TMEM212: variants seen among roughly 807,000 people sequenced by gnomAD.
TMEM212 encodes transmembrane protein 212.
A neutral mutation model predicts 20.5 loss-of-function variants in TMEM212; 23 were observed. That is an observed-to-expected ratio of 1.12 (90% CI 0.81 to 1.59). The LOEUF (loss-of-function observed/expected upper bound fraction) is 1.59, where lower values mean the gene tolerates loss of function less well. Ranked by LOEUF, TMEM212 falls within the 40% of genes most tolerant of loss-of-function variation. The pLI, the probability that TMEM212 is intolerant of heterozygous loss-of-function variation, is 0.00. For missense variants in TMEM212, 211 were observed against 215.0 expected, an observed-to-expected ratio of 0.98 and a Z score of 0.12; for synonymous variants, 76 against 81.6, an observed-to-expected ratio of 0.93 and a Z score of 0.37.
rs1447699432 is a variant in TMEM212, at chr3:171,853,721, AC to A, written c.416del (p.Pro139HisfsTer8). 6.5e-7 allele frequency: 1 copy of A among 1,537,300 alleles called. No homozygotes were observed. The highest frequency in any genetic ancestry group is 8.7e-7 in the Non-Finnish European group (1 of 1,146,888). ...AKFPLACVDP[P>X]HYEEYHLTLQ... ...AATTCCCATTAGCCTGTGTGGACCC[AC>A]CACACTACGAAGAGTACCACCTGAC... On this transcript the variant is annotated frameshift_variant, in exon 3 of 5. Transcript: ENST00000334567. LOFTEE classifies it high-confidence loss of function.
At chr3:171,846,047 T>G (rs551153416) in intron 1 of TMEM212, among the ~76,000 whole-genome samples, 2 of 152,328 alleles carry the variant, frequency 1.3e-5, no homozygotes, top group East Asian at 3.9e-4. Context: ...CGTAACCTGC[T>G]GAGTTCTCCA....
chr3:171,850,531 T>G (rs1162300152), intron 1 of TMEM212, among the ~76,000 whole-genome samples: 2 of 152,246 alleles, frequency 1.3e-5, no homozygotes, highest in Non-Finnish European at 2.9e-5. Context: ...CTTATCTGGC[T>G]TCAGTGTTTC....
intron 1 of TMEM212, among the ~76,000 whole-genome samples, chr3:171,847,775 A>G (rs1441354478): frequency 1.3e-5 from 2 of 152,050 alleles, no homozygotes; most frequent in South Asian, 2.1e-4. Context: ...GTGATCAGAC[A>G]TCACGGTGGG....
At chr3:171,857,729 C>T (rs1002936842) in intron 4 of TMEM212, among the ~76,000 whole-genome samples, 14 of 152,184 alleles carry the variant, frequency 9.2e-5, no homozygotes, top group South Asian at 2.1e-4. Context: ...AAATGACCTG[C>T]GTAGACATTT....
rs191438000 is a variant in TMEM212 at position 171,848,399 on chromosome 3, G to A, written c.160-3583G>A. ...TTTTTCCTACAAGGCATACCCCTAT[G>A]CATTCCTTCCTTTTCCATCTCACTC... On this transcript the variant is annotated intron_variant, in intron 1 of 4. Transcript: ENST00000334567. 2.9e-4 allele frequency among the ~76,000 whole-genome samples: 44 copies of A among 152,182 alleles called. No individual in the cohort carries two copies. In the East Asian group the frequency reaches 8.1e-3, roughly 28 times the overall value.
chr3:171,843,918 A>C (rs1724773604), intron 1 of TMEM212, among the ~76,000 whole-genome samples: 1 of 152,236 alleles, frequency 6.6e-6, no homozygotes. Flanking sequence ...ATACAGAACA[A>C]AGTAAAATAA....
At chr3:171,848,575 A>G (rs147763567) in intron 1 of TMEM212, among the ~76,000 whole-genome samples, 6 of 144,936 alleles carry the variant, frequency 4.1e-5, no homozygotes, top group African/African-American at 1.7e-4. Context: ...AATAGAATAG[A>G]ATAGGATAGA....
intron 1 of TMEM212, among the ~76,000 whole-genome samples, chr3:171,845,230 G>T (rs1328495338): frequency 6.6e-6 from 1 of 151,980 alleles, no homozygotes; most frequent in Non-Finnish European, 1.5e-5. Flanking sequence ...TTTAGGTGAG[G>T]ACCCAGAATG....
intron 1 of TMEM212, among the ~76,000 whole-genome samples, chr3:171,846,593 C>T (rs912126405): frequency 3.3e-5 from 5 of 152,116 alleles, no homozygotes; most frequent in African/African-American, 7.2e-5. Context: ...TCATACCCTC[C>T]GTTCTGTTGG....
intron 1 of TMEM212, among the ~76,000 whole-genome samples, chr3:171,845,987 C>G (rs543352180): frequency 1.6e-4 from 24 of 152,136 alleles, no homozygotes; most frequent in Non-Finnish European, 3.2e-4. Context: ...TGTTCAAGCC[C>G]TTTGTTCTTA....
At chr3:171,856,167 T>A (rs1167999515) in intron 3 of TMEM212, among the ~76,000 whole-genome samples, 2 of 152,178 alleles carry the variant, frequency 1.3e-5, no homozygotes, top group Non-Finnish European at 1.5e-5. Flanking sequence ...TAGATTGGTA[T>A]CATCAGCTTC....
rs1725178868 is a variant in TMEM212, at chr3:171,858,762, G to A, written c.*705G>A. Reference sequence around the variant, plus strand: ...ACAACCACATCAAAAAGTAGGCAAAGGACATGGACACTTCTCAAAAGAAGA... The same window carrying A: ...ACAACCACATCAAAAAGTAGGCAAAAGACATGGACACTTCTCAAAAGAAGA... On this transcript the variant is annotated 3_prime_UTR_variant, in exon 5 of 5. Coordinates refer to ENST00000334567, the MANE Select transcript of TMEM212 (RefSeq NM_001164436.2). 6.6e-6 allele frequency: 1 copy of A among 152,054 alleles called. No homozygotes were observed. Among genetic ancestry groups the A allele is most frequent in the Admixed American group, 6.6e-5 (1 of 15,250 alleles). 9.4% of individuals were successfully genotyped at this position (152,054 alleles called of 1,614,324 possible).
Position 171,857,514 on chromosome 3 carries a change from AG to A in TMEM212, c.*4-546del, listed in dbSNP as rs556926241. ...TGCTTTTTTTGGATATGACATGAAA[AG>A]CACATGCTACCAAAGCAGAAATAAA... On this transcript the variant is annotated intron_variant, in intron 4 of 4. Coordinates refer to ENST00000334567, the MANE Select transcript of TMEM212 (RefSeq NM_001164436.2). Among the ~76,000 whole-genome samples the A allele has an allele frequency of 1.1e-4, 16 of 152,350 alleles. No individual in the cohort carries two copies. The East Asian group carries it at 2.9e-3, about 27-fold the overall frequency.
Position 171,853,847 on chromosome 3 carries a change from A to G in TMEM212, c.540A>G (p.Ile180Met). ...LSARLIQNGH[I>M]NMQLPAGNPN... is the part of the protein sequence containing the mutation. ...CAAGACTTATCCAGAATGGACACAT[A>G]AACGTAAGTTTCAACAAAGGGGAGG... Residue 180 changes from isoleucine (I) to methionine (M), a missense_variant, in exon 3 of 5, where the codon ATA (isoleucine) becomes ATG (methionine). By Grantham distance (10) the Ile-to-Met change is conservative. Transcript: ENST00000334567. 2.6e-6 allele frequency: 4 copies of G among 1,532,354 alleles called. No individual in the cohort carries two copies. The South Asian group carries it at 4.8e-5, about 18-fold the overall frequency. The allele number at this position is 1,532,354 out of a possible 1,614,324, so 94.9% of individuals were successfully genotyped here.
chr3:171,854,982 G>T (rs1429866572), intron 3 of TMEM212, among the ~76,000 whole-genome samples: 2 of 152,070 alleles, frequency 1.3e-5, no homozygotes, highest in Non-Finnish European at 2.9e-5. Context: ...TTTAAAAAAG[G>T]GGTTGTGTAA....
chr3:171,854,132 C>T (rs1402396037), intron 3 of TMEM212, among the ~76,000 whole-genome samples: 1 of 152,062 alleles, frequency 6.6e-6, no homozygotes, highest in Non-Finnish European at 1.5e-5. Context: ...GACAAGGGTG[C>T]CCACTCTCAT....
At chr3:171,854,745 T>C (rs147377552) in intron 3 of TMEM212, among the ~76,000 whole-genome samples, 18 of 152,230 alleles carry the variant, frequency 1.2e-4, no homozygotes, top group African/African-American at 4.1e-4. Flanking sequence ...TTAAACTATA[T>C]TACAAAGCTA....
rs1354371883 is a variant in TMEM212, at chr3:171,858,466, A to C, written c.*409A>C. ...AAATGTAAGACCTAAAACCATAAAA[A>C]CCCTAGAAGAAAACCTAGGCAATAC... On this transcript the variant is annotated 3_prime_UTR_variant, in exon 5 of 5. Transcript: ENST00000334567. 2 of 152,136 alleles carry C rather than the reference A, an allele frequency of 1.3e-5. No homozygotes were observed. Among genetic ancestry groups the C allele is most frequent in the East Asian group, 3.8e-4 (2 of 5,196 alleles). The allele number at this position is 152,136 out of a possible 1,614,324, so 9.4% of individuals were successfully genotyped here.
intron 1 of TMEM212, among the ~76,000 whole-genome samples, chr3:171,851,443 T>G (rs191096912): frequency 3.3e-4 from 50 of 152,362 alleles, no homozygotes; most frequent in Non-Finnish European, 6.6e-4. Flanking sequence ...TGCCACATCA[T>G]GCATTCATTC....
Sources: gnomAD v4.1 joint callset for allele counts (sites outside exome capture counted in the v4.1 genomes callset) on GRCh38, gnomAD v4.1.1 for gene constraint, MANE v1.5 for transcripts, NCBI Gene and HGNC (gene_info 2026-07-23, HGNC 2026-07-21) for gene names.